Variants in HMGCLL1 observed in about 807,000 individuals in gnomAD.
HMGCLL1 encodes the protein 3-hydroxy-3-methylglutaryl-CoA lyase like 1.
In HMGCLL1, 36 loss-of-function variants were observed where a neutral mutation model predicts 39.1. That is an observed-to-expected ratio of 0.92 (90% CI 0.71 to 1.22). The LOEUF is 1.22. Ranked by LOEUF, HMGCLL1 falls within the 50% of genes most tolerant of loss-of-function variation. The pLI is 0.00. For missense variants in HMGCLL1, 451 were observed against 416.5 expected, an observed-to-expected ratio of 1.08 and a Z score of -0.72; for synonymous variants, 149 against 144.0, an observed-to-expected ratio of 1.03 and a Z score of -0.25.
the HMGCLL1 span, among the ~76,000 whole-genome samples, chr6:55,625,332 A>C: frequency 6.6e-6 from 1 of 152,218 alleles, no homozygotes; most frequent in East Asian, 1.9e-4. Flanking sequence ...GTGGTGTATA[A>C]GTGACCGGAC....
chr6:55,493,724 T>C (rs181012262), intron 7 of HMGCLL1, among the ~76,000 whole-genome samples: 8 of 93,234 alleles, frequency 8.6e-5, no homozygotes, highest in African/African-American at 4.0e-4. Flanking sequence ...TTTTGTTTTT[T>C]TTGTTTTTGT....
At chr6:55,624,079 C>CT in the HMGCLL1 span, among the ~76,000 whole-genome samples, 1 of 152,134 alleles carries the variant, frequency 6.6e-6, no homozygotes, top group East Asian at 1.9e-4. Flanking sequence ...TGATCATTTC[C>CT]TTTTCCCCAG....
the HMGCLL1 span, among the ~76,000 whole-genome samples, chr6:55,637,712 A>ATGTG: frequency 5.6e-4 from 25 of 44,574 alleles, no homozygotes; most frequent in Non-Finnish European, 8.2e-4. Context: ...CTATAATTTG[A>ATGTG]TATGTGTGTG....
At chr6:55,493,513 C>G (rs1287057405) in intron 7 of HMGCLL1, among the ~76,000 whole-genome samples, 2 of 152,126 alleles carry the variant, frequency 1.3e-5, no homozygotes. Flanking sequence ...AGAGACAATG[C>G]AATTCAACCA....
At chr6:55,503,529 G>C (rs1205171003) in intron 5 of HMGCLL1, among the ~76,000 whole-genome samples, 1 of 133,128 alleles carries the variant, frequency 7.5e-6, no homozygotes, top group Non-Finnish European at 1.6e-5. Context: ...TAAAATTTCT[G>C]TGTGTGTAAT....
intron 5 of HMGCLL1, among the ~76,000 whole-genome samples, chr6:55,511,248 C>T (rs1028146914): frequency 2.6e-5 from 4 of 151,942 alleles, no homozygotes; most frequent in East Asian, 1.9e-4. Flanking sequence ...ATCCAAACTG[C>T]GGATATTTCA....
chr6:55,563,439 G>A (rs1771058683), intron 1 of HMGCLL1, among the ~76,000 whole-genome samples: 1 of 152,028 alleles, frequency 6.6e-6, no homozygotes, highest in African/African-American at 2.4e-5. Flanking sequence ...ACTGTATATG[G>A]AAATTCTATG....
chr6:55,549,301 C>CTG (rs1770178015), intron 1 of HMGCLL1, among the ~76,000 whole-genome samples: 1 of 151,768 alleles, frequency 6.6e-6, no homozygotes, highest in Admixed American at 6.6e-5. Flanking sequence ...CTCACACTCT[C>CTG]CCACCTTGCT....
the HMGCLL1 span, among the ~76,000 whole-genome samples, chr6:55,641,153 C>T: frequency 6.7e-6 from 1 of 150,028 alleles, no homozygotes; most frequent in Admixed American, 6.6e-5. Context: ...TAAAAAAAAA[C>T]AGTAACAAAA....
intron 5 of HMGCLL1, among the ~76,000 whole-genome samples, chr6:55,508,170 G>T (rs2127432615): frequency 6.6e-6 from 1 of 151,860 alleles, no homozygotes; most frequent in Non-Finnish European, 1.5e-5. Context: ...TAGTCCAGGT[G>T]TCCACAAATT....
chr6:55,582,113 G>A (rs1034467636), upstream of HMGCLL1, among the ~76,000 whole-genome samples: 3 of 152,136 alleles, frequency 2.0e-5, no homozygotes, highest in Admixed American at 2.0e-4. Flanking sequence ...ATGCAGTGGG[G>A]AAGGGCCTAA....
intron 3 of HMGCLL1, among the ~76,000 whole-genome samples, chr6:55,516,889 C>T (rs773900215): frequency 1.3e-5 from 2 of 152,024 alleles, no homozygotes; most frequent in East Asian, 1.9e-4. Context: ...TCTTTATTCC[C>T]TTCCTTTCAT....
At chr6:55,503,822 C>A (rs1202249056) in intron 5 of HMGCLL1, among the ~76,000 whole-genome samples, 2 of 151,650 alleles carry the variant, frequency 1.3e-5, no homozygotes, top group Non-Finnish European at 3.0e-5. Flanking sequence ...TAAACTTATT[C>A]AATAACCAAA....
the HMGCLL1 span, among the ~76,000 whole-genome samples, chr6:55,590,227 A>G: frequency 9.2e-5 from 14 of 152,090 alleles, no homozygotes; most frequent in African/African-American, 2.7e-4. Context: ...GGAACAGAAC[A>G]GAGCCCTCAG....
chr6:55,553,088 A>G (rs1028691499), intron 1 of HMGCLL1, among the ~76,000 whole-genome samples: 5 of 151,602 alleles, frequency 3.3e-5, no homozygotes, highest in African/African-American at 1.2e-4. Flanking sequence ...GATTGCAGTG[A>G]GCCGAGATCG....
chr6:55,666,368 A>G, the HMGCLL1 span, among the ~76,000 whole-genome samples: 1 of 151,642 alleles, frequency 6.6e-6, no homozygotes, highest in African/African-American at 2.4e-5. Context: ...ATCCACTCAA[A>G]GTTTCAGAAA....
Position 55,516,546 on chromosome 6 carries a change from G to A in HMGCLL1, c.355C>T (p.Pro119Ser). The change falls in exon 4 of 9, where the codon CCT becomes TCT. Residue 119 changes from proline (P) to serine (S), a missense_variant. By Grantham distance (74) the Pro-to-Ser change is moderately conservative. Transcript: ENST00000274901. ...CCCTGAAGATTAGGAGTAAGGACAG[G>A]ATAGCGAACTCCTGGATATTGATGA... ...GIHQYPGVRY[P>S]VLTPNLQGFH... The A allele has an allele frequency of 6.2e-6, 10 of 1,602,744 alleles. No homozygotes were observed. Among genetic ancestry groups the A allele is most frequent in the Non-Finnish European group, 8.5e-6 (10 of 1,172,368 alleles).
chr6:55,550,063 A>C (rs1409095976), intron 1 of HMGCLL1, among the ~76,000 whole-genome samples: 1 of 152,076 alleles, frequency 6.6e-6, no homozygotes, highest in South Asian at 2.1e-4. Flanking sequence ...GAAAACAACA[A>C]TCTATGGTCC....
the HMGCLL1 span, among the ~76,000 whole-genome samples, chr6:55,622,551 T>G: frequency 1.3e-5 from 2 of 152,038 alleles, no homozygotes; most frequent in Non-Finnish European, 2.9e-5. Flanking sequence ...CCTTCATTCA[T>G]GTATCACATT....
Sources: gnomAD v4.1 joint callset for allele counts (sites outside exome capture counted in the v4.1 genomes callset) on GRCh38, gnomAD v4.1.1 for gene constraint, MANE v1.5 for transcripts, NCBI Gene and HGNC (gene_info 2026-07-23, HGNC 2026-07-21) for gene names.